Variants in REV3L observed in about 807,000 individuals in gnomAD.
The protein encoded by REV3L is DNA polymerase zeta catalytic subunit.
In REV3L, 69 loss-of-function variants were observed where a neutral mutation model predicts 299.4. That is an observed-to-expected ratio of 0.23 (90% CI 0.19 to 0.28). The LOEUF (loss-of-function observed/expected upper bound fraction) is 0.28, where lower values mean the gene tolerates loss of function less well. Among genes scored for constraint, REV3L ranks in the 10% least tolerant of loss-of-function variants. REV3L has a pLI of 1.00. For missense variants in REV3L, 3,128 were observed against 3,693.8 expected (o/e 0.85, Z 3.97); for synonymous variants, 1,238 against 1,271.4 (o/e 0.97, Z 0.56).
chr6:111,341,774 T>C (rs466923), intron 21 of REV3L, among the ~76,000 whole-genome samples: 60,208 of 151,476 alleles, frequency 0.4, 14,442 homozygotes, highest in Non-Finnish European at 0.54. Context: ...GTCAGAAGTA[T>C]AGCTGGATTC....
In REV3L at chr6:111,329,757, A is replaced by T. The variant is rs1460407894; in HGVS notation, c.8035-19T>A. On this transcript the variant is annotated intron_variant, in intron 24 of 31. Coordinates refer to ENST00000368802, the MANE Select transcript of REV3L (RefSeq NM_001372078.1). ...CTGAAGGCTATCATAAAGAAAAAAAATGTTTAAAACCCCTCAAACATTATA... is the reference window on the plus strand; with the variant it reads ...CTGAAGGCTATCATAAAGAAAAAAATTGTTTAAAACCCCTCAAACATTATA... 1.3e-6 allele frequency: 2 copies of T among 1,585,420 alleles called. No individual in the cohort carries two copies. The highest frequency in any genetic ancestry group is 1.7e-5 in the Admixed American group (1 of 59,518).
chr6:111,416,520 A>C, intron 1 of REV3L, 48 bp from the exon 2 acceptor site: 1 of 1,405,214 alleles, frequency 7.1e-7, no homozygotes, highest in Non-Finnish European at 9.8e-7. Context: ...ACAGTTTAAC[A>C]ATACAAAACT....
chr6:111,349,151 T>C, intron 20 of REV3L, 67 bp downstream of exon 20: 5 of 835,650 alleles, frequency 6.0e-6, no homozygotes, highest in East Asian at 2.4e-5. Flanking sequence ...TAATACTCTA[T>C]AATGATTAAA....
At chr6:111,414,325 A>C (rs1168923444) in intron 2 of REV3L, among the ~76,000 whole-genome samples, 1 of 152,136 alleles carries the variant, frequency 6.6e-6, no homozygotes, top group Non-Finnish European at 1.5e-5. Flanking sequence ...TGTACATACA[A>C]AGAACTTAGG....
chr6:111,414,274 T>A (rs1784543918), intron 2 of REV3L, among the ~76,000 whole-genome samples: 1 of 152,100 alleles, frequency 6.6e-6, no homozygotes, highest in South Asian at 2.1e-4. Flanking sequence ...GTCAATGATC[T>A]GGAGGATTGG....
In REV3L at chr6:111,482,825, T is replaced by C; in HGVS notation, c.64A>G (p.Thr22Ala). ...YMASPLQGLD[T>A]CQSPLTQAPV... ...GCCTGGGTGAGGGGGGATTGGCAGG[T>C]ATCCAGCCCCTGCAGCGGGCTGGCC... Residue 22 changes from threonine (T) to alanine (A), a missense_variant, in exon 1 of 32, where the codon ACC (threonine) becomes GCC (alanine). Thr to Ala is a moderately conservative substitution (Grantham distance 58). Transcript: ENST00000368802. 7 of 1,503,196 alleles carry C rather than the reference T, an allele frequency of 4.7e-6. No homozygotes were observed. The highest frequency in any genetic ancestry group is 1.3e-5 in the South Asian group (1 of 75,798). The allele number at this position is 1,503,196 out of a possible 1,614,324, so 93.1% of individuals were successfully genotyped here. A position where few individuals can be genotyped will look rare whatever the true frequency, so the allele number is the denominator to read the frequency against.
chr6:111,308,751 G>A (rs955422534), intron 30 of REV3L, among the ~76,000 whole-genome samples: 4 of 152,120 alleles, frequency 2.6e-5, no homozygotes, highest in African/African-American at 7.2e-5. Flanking sequence ...CTTATTCTAC[G>A]TTATTTGCGG....
rs1410576409 is a variant in REV3L, at chr6:111,365,259, A to G, written c.6753+6T>C. ...ACTGATCTTTAAAAATGTTTAGTAT[A>G]GTTACCTTTGCTTGTGTTAACAGTA... is the stretch of plus-strand genomic sequence containing the variant. On this transcript the variant is annotated splice_donor_region_variant and intron_variant, in intron 15 of 31. Transcript: ENST00000368802. 2 of 1,444,994 alleles carry G rather than the reference A, an allele frequency of 1.4e-6. No individual in the cohort carries two copies. Among genetic ancestry groups the G allele is most frequent in the East Asian group, 2.5e-5 (1 of 40,034 alleles). The allele number at this position is 1,444,994 out of a possible 1,614,324, so 89.5% of individuals were successfully genotyped here.
At chr6:111,325,016 T>A (rs989949879) in intron 25 of REV3L, among the ~76,000 whole-genome samples, 1 of 151,976 alleles carries the variant, frequency 6.6e-6, no homozygotes, top group African/African-American at 2.4e-5. Context: ...CACCCGCCAC[T>A]ACGCCCGGCT....
intron 1 of REV3L, among the ~76,000 whole-genome samples, chr6:111,448,247 A>C (rs900122316): frequency 2.6e-5 from 4 of 152,212 alleles, no homozygotes; most frequent in Non-Finnish European, 5.9e-5. Context: ...ATGGAAGAGA[A>C]GTAAGACTTG....
At chr6:111,310,243 G>T in intron 29 of REV3L, 144 bp from the exon 30 acceptor site, 2 of 1,066,222 alleles carry the variant, frequency 1.9e-6, no homozygotes, top group Non-Finnish European at 2.5e-6. Flanking sequence ...ATTTCTTTGA[G>T]AATAATATAT....
intron 1 of REV3L, chr6:111,431,852 A>C (rs1432247763): frequency 1.2e-5 from 6 of 510,182 alleles, no homozygotes; most frequent in Non-Finnish European, 2.1e-5. Flanking sequence ...CGCTTTTTAG[A>C]ATATGTTAAA....
At chr6:111,355,678 G>A (rs559551626) in intron 18 of REV3L, among the ~76,000 whole-genome samples, 2 of 152,216 alleles carry the variant, frequency 1.3e-5, no homozygotes, top group South Asian at 2.1e-4. Flanking sequence ...ACCCAACAAG[G>A]AAAAGGCAAG....
intron 27 of REV3L, among the ~76,000 whole-genome samples, chr6:111,313,990 T>G (rs995195997): frequency 1.3e-5 from 2 of 152,262 alleles, no homozygotes; most frequent in African/African-American, 2.4e-5. Context: ...CTTTCCTTTG[T>G]GCTCTCACAG....
chr6:111,305,832 GT>G (rs918100398), intron 31 of REV3L, among the ~76,000 whole-genome samples: 8 of 152,060 alleles, frequency 5.3e-5, no homozygotes, highest in African/African-American at 1.9e-4. Context: ...TTCTATGAGA[GT>G]TGGCTGCTGC....
At chr6:111,370,848 C>T (rs768856418) in intron 13 of REV3L, among the ~76,000 whole-genome samples, 1 of 152,212 alleles carries the variant, frequency 6.6e-6, no homozygotes, top group East Asian at 1.9e-4. Context: ...GTGTTACAAT[C>T]GATGAACCTA....
intron 9 of REV3L, among the ~76,000 whole-genome samples, chr6:111,382,362 C>G (rs1412897249): frequency 2.0e-5 from 3 of 152,156 alleles, no homozygotes; most frequent in African/African-American, 7.2e-5. Flanking sequence ...ATCTCTCAGG[C>G]AGTGGTCTTG....
intron 1 of REV3L, among the ~76,000 whole-genome samples, chr6:111,418,854 A>G (rs1785028604): frequency 6.6e-6 from 1 of 152,230 alleles, no homozygotes. Flanking sequence ...ACTCAACAAA[A>G]AACACATGGT....
chr6:111,424,410 C>G (rs879535515), intron 1 of REV3L, among the ~76,000 whole-genome samples: 1 of 152,204 alleles, frequency 6.6e-6, no homozygotes, highest in Non-Finnish European at 1.5e-5. Context: ...AACAAGAACA[C>G]TGGCAAAAAC....
Sources: allele counts gnomAD v4.1 joint callset (sites outside exome capture counted in the v4.1 genomes callset), GRCh38; gene constraint gnomAD v4.1.1; transcripts MANE v1.5; gene names NCBI Gene and HGNC (gene_info 2026-07-23, HGNC 2026-07-21).